Variants in RGS7BP observed in about 807,000 individuals in gnomAD.
RGS7BP encodes regulator of G protein signaling 7-binding protein.
In RGS7BP, 9 loss-of-function variants were observed where a neutral mutation model predicts 31.3. The observed-to-expected ratio is 0.29, with a 90% CI of 0.17 to 0.50. RGS7BP has a LOEUF of 0.50. Among genes scored for constraint, RGS7BP ranks in the 20% least tolerant of loss-of-function variants. RGS7BP has a pLI of 0.98. For missense variants in RGS7BP, 274 were observed against 322.0 expected (o/e 0.85, Z 1.14); for synonymous variants, 115 against 120.1 (o/e 0.96, Z 0.28).
chr5:64,522,562 C>T (rs920828264), intron 2 of RGS7BP, among the ~76,000 whole-genome samples: 38 of 152,212 alleles, frequency 2.5e-4, no homozygotes, highest in African/African-American at 8.9e-4. Flanking sequence ...TGTTTGAGTA[C>T]TGTACCATCA....
chr5:64,593,031 C>T (rs1246937439), intron 3 of RGS7BP, among the ~76,000 whole-genome samples: 3 of 152,168 alleles, frequency 2.0e-5, no homozygotes, highest in African/African-American at 7.2e-5. Context: ...AAATTATGTG[C>T]TTAATTAATT....
chr5:64,534,783 TA>T (rs1749463094), intron 2 of RGS7BP, among the ~76,000 whole-genome samples: 1 of 152,208 alleles, frequency 6.6e-6, no homozygotes. Flanking sequence ...GTCAGGGCTA[TA>T]AATTTAAATA....
chr5:64,565,516 T>TA lies in RGS7BP; in HGVS notation c.333-10250dup, dbSNP rs199800155. Among the ~76,000 whole-genome samples, 1,234 of 151,900 alleles carry TA rather than the reference T, an allele frequency of 8.1e-3. 12 individuals carry two copies. Among genetic ancestry groups the TA allele is most frequent in the African/African-American group, 0.024 (1,007 of 41,440 alleles). On this transcript the variant is annotated intron_variant, in intron 2 of 5. Transcript: ENST00000334025. ...TTATTTTTTATAAAATAGTTTTTTT[T>TA]AAAAAAAAGAAGGCTTCAGGAAAAT...
chr5:64,593,184 C>T (rs6884361), intron 3 of RGS7BP, among the ~76,000 whole-genome samples: 128,566 of 152,188 alleles, frequency 0.84, 54,665 homozygotes, highest in African/African-American at 0.91. Context: ...CTGAATATTC[C>T]GAGTTCCACT....
chr5:64,528,685 C>A (rs879857252), intron 2 of RGS7BP, among the ~76,000 whole-genome samples: 1 of 151,832 alleles, frequency 6.6e-6, no homozygotes, highest in Non-Finnish European at 1.5e-5. Context: ...GTGATGCGAG[C>A]CTGTAATCCC....
rs557767802 is a variant in RGS7BP at position 64,612,088 on chromosome 5, T to C, written c.*2836T>C. On this transcript the variant is annotated 3_prime_UTR_variant, in exon 6 of 6. Coordinates refer to ENST00000334025, the MANE Select transcript of RGS7BP (RefSeq NM_001029875.3). ...TATCTTTACTATCCTGTGTTGATTT[T>C]TTTTTCAAATTACAAAGACAATACA... is the stretch of plus-strand genomic sequence containing the variant. The C allele has an allele frequency of 2.0e-5, 3 of 152,356 alleles. No homozygotes were observed. In the Admixed American group the frequency reaches 2.0e-4, roughly 10 times the overall value. 9.4% of individuals were successfully genotyped at this position (152,356 alleles called of 1,614,324 possible). A position where few individuals can be genotyped will look rare whatever the true frequency, so the allele number is the denominator to read the frequency against.
At chr5:64,584,014 A>G (rs1742673588) in intron 3 of RGS7BP, among the ~76,000 whole-genome samples, 2 of 152,228 alleles carry the variant, frequency 1.3e-5, no homozygotes, top group Admixed American at 1.3e-4. Flanking sequence ...GAGGAACTCA[A>G]AGCTCAATGA....
intron 3 of RGS7BP, among the ~76,000 whole-genome samples, 188 bp downstream of exon 3, chr5:64,576,092 C>T (rs1354733749): frequency 6.6e-6 from 1 of 152,166 alleles, no homozygotes; most frequent in African/African-American, 2.4e-5. Context: ...TGTGTACTAA[C>T]ACTGATTGTT....
intron 3 of RGS7BP, among the ~76,000 whole-genome samples, chr5:64,580,258 C>T (rs938934325): frequency 3.9e-5 from 6 of 152,126 alleles, no homozygotes; most frequent in African/African-American, 1.4e-4. Flanking sequence ...AGAGAGGAGT[C>T]AGGAAGCCTT....
intron 5 of RGS7BP, among the ~76,000 whole-genome samples, chr5:64,608,326 C>A (rs1743416503): frequency 2.0e-5 from 3 of 152,094 alleles, no homozygotes; most frequent in East Asian, 3.9e-4. Flanking sequence ...CTCTTTAAAC[C>A]AGATTAGATT....
At chr5:64,555,979 A>C (rs1741913729) in intron 2 of RGS7BP, among the ~76,000 whole-genome samples, 1 of 152,138 alleles carries the variant, frequency 6.6e-6, no homozygotes, top group Non-Finnish European at 1.5e-5. Flanking sequence ...TATTTCCATC[A>C]TCGCAGGAAA....
intron 2 of RGS7BP, among the ~76,000 whole-genome samples, chr5:64,514,425 G>A (rs1209888468): frequency 6.6e-6 from 1 of 152,102 alleles, no homozygotes; most frequent in Non-Finnish European, 1.5e-5. Flanking sequence ...CCAACTAGAG[G>A]TGAGGTTTTA....
chr5:64,591,214 A>C (rs1009796114), intron 3 of RGS7BP, among the ~76,000 whole-genome samples: 1 of 152,156 alleles, frequency 6.6e-6, no homozygotes, highest in African/African-American at 2.4e-5. Context: ...CCCATTGTTT[A>C]AATGGGCAAA....
intron 2 of RGS7BP, among the ~76,000 whole-genome samples, chr5:64,561,834 C>T (rs1376537020): frequency 6.7e-6 from 1 of 148,770 alleles, no homozygotes; most frequent in African/African-American, 2.6e-5. Context: ...ACTATCTCCT[C>T]CTGCCCATAT....
chr5:64,611,507 A>G lies in RGS7BP; in HGVS notation c.*2255A>G, dbSNP rs886599379. The G allele has an allele frequency of 6.6e-6, 1 of 152,256 alleles. No individual in the cohort carries two copies. The highest frequency in any genetic ancestry group is 1.5e-5 in the Non-Finnish European group (1 of 67,866). The allele number at this position is 152,256 out of a possible 1,614,324, so 9.4% of individuals were successfully genotyped here. ...TCCTTTGTACAACTGAAGACTGTTAATAAATTCAGGTCTCACCTCCATGTC... is the reference window on the plus strand; with the variant it reads ...TCCTTTGTACAACTGAAGACTGTTAGTAAATTCAGGTCTCACCTCCATGTC... On this transcript the variant is annotated 3_prime_UTR_variant, in exon 6 of 6. Transcript: ENST00000334025.
intron 2 of RGS7BP, among the ~76,000 whole-genome samples, chr5:64,515,697 C>T (rs549267086): frequency 1.3e-4 from 18 of 141,924 alleles, no homozygotes; most frequent in African/African-American, 4.6e-4. Context: ...CATTTAATTA[C>T]TTGCCTATAT....
chr5:64,607,678 G>A lies in RGS7BP; in HGVS notation c.683-1483G>A, dbSNP rs115983883. On this transcript the variant is annotated intron_variant, in intron 5 of 5. Coordinates refer to ENST00000334025, the MANE Select transcript of RGS7BP (RefSeq NM_001029875.3). ...AGATTATAAATGCTTCTTATCGGAC[G>A]GAAGGAGTCTGTTTTATCAGTCTTA... 3.8e-3 allele frequency among the ~76,000 whole-genome samples: 585 copies of A among 152,024 alleles called. 4 individuals are homozygous for A. The highest frequency in any genetic ancestry group is 0.013 in the African/African-American group (549 of 41,504).
At chr5:64,598,169 CTT>C (rs1429099193) in intron 4 of RGS7BP, among the ~76,000 whole-genome samples, 194 bp from the exon 5 acceptor site, 1 of 152,176 alleles carries the variant, frequency 6.6e-6, no homozygotes, top group African/African-American at 2.4e-5. Context: ...ATGGCTCTCA[CTT>C]TTTCCTGAGC....
intron 3 of RGS7BP, among the ~76,000 whole-genome samples, chr5:64,586,039 T>C (rs1742741924): frequency 6.6e-6 from 1 of 152,318 alleles, no homozygotes; most frequent in South Asian, 2.1e-4. Flanking sequence ...ACAACTCCCT[T>C]GGGCAAAGCA....
Sources: gnomAD v4.1 joint callset for allele counts (sites outside exome capture counted in the v4.1 genomes callset) on GRCh38, gnomAD v4.1.1 for gene constraint, MANE v1.5 for transcripts, NCBI Gene and HGNC (gene_info 2026-07-23, HGNC 2026-07-21) for gene names.